The following TBC1D9B variants were observed in gnomAD, a reference collection of about 807,000 sequenced individuals.
TBC1D9B encodes TBC1 domain family, member 9B (with GRAM domain).
TBC1D9B carries 87 observed loss-of-function variants against 121.1 expected under a neutral mutation model. That is an observed-to-expected ratio of 0.72 (90% confidence interval 0.60 to 0.86). The LOEUF is 0.86. Among genes scored for constraint, TBC1D9B ranks in the 40% least tolerant of loss-of-function variants. The pLI, the probability that TBC1D9B is intolerant of heterozygous loss-of-function variation, is 0.00. For missense variants in TBC1D9B, 1,540 were observed against 1,628.6 expected (o/e 0.95, Z 0.94); for synonymous variants, 668 against 670.1 (o/e 1.00, Z 0.05).
In TBC1D9B at chr5:179,889,022, G is replaced by C. The variant is rs539153739; in HGVS notation, c.1045-710C>G. 2.0e-4 allele frequency among the ~76,000 whole-genome samples: 30 copies of C among 152,114 alleles called. No individual in the cohort carries two copies. The South Asian group carries it at 2.1e-3, about 11-fold the overall frequency. Reference sequence around the variant, plus strand: ...GGACAGTGTGAGCTGGGCAGTGGTGGAGGTGAGTGTGCACTTTTTTTTTTT... The same window carrying C: ...GGACAGTGTGAGCTGGGCAGTGGTGCAGGTGAGTGTGCACTTTTTTTTTTT... On this transcript the variant is annotated intron_variant, in intron 6 of 20. Transcript: ENST00000355235.
At chr5:179,894,905 C>T (rs1270995384) in intron 3 of TBC1D9B, among the ~76,000 whole-genome samples, 1 of 152,230 alleles carries the variant, frequency 6.6e-6, no homozygotes, top group East Asian at 1.9e-4. Flanking sequence ...CTCTGTCACC[C>T]AAGCTGGAGT....
intron 14 of TBC1D9B, chr5:179,872,407 A>T (rs1760231566): frequency 1.8e-5 from 3 of 169,302 alleles, no homozygotes; most frequent in Non-Finnish European, 2.5e-5. Flanking sequence ...GAGGGCTGGG[A>T]ATGTGGAAAC....
In TBC1D9B at chr5:179,875,680, A is replaced by T. The variant is rs542608357; in HGVS notation, c.1900+240T>A. On this transcript the variant is annotated intron_variant, in intron 11 of 20. Transcript: ENST00000355235. This position sits in a 1 kb window ranked among gnomAD's most constrained non-coding sequence, Gnocchi z 4.5. ...AGTTGAGCATCAGGTTACATGGGGG[A>T]TATATACTCTCTAGTTTTGATGTTT... Among the ~76,000 whole-genome samples the T allele has an allele frequency of 1.7e-4, 26 of 152,224 alleles. No individual in the cohort carries two copies. The East Asian group carries it at 5.0e-3, about 29-fold the overall frequency.
At chr5:179,866,128 C>G in intron 18 of TBC1D9B, 2 of 514,740 alleles carry the variant, frequency 3.9e-6, no homozygotes, top group Non-Finnish European at 7.0e-6. Context: ...GCCGCCAAAC[C>G]CTCAATTCCT....
At chr5:179,869,614 C>G (rs188834512) in intron 17 of TBC1D9B, 155 bp downstream of exon 17, 1 of 821,058 alleles carries the variant, frequency 1.2e-6, no homozygotes, top group East Asian at 2.7e-5. Flanking sequence ...GTGAAGTGCT[C>G]AAGCTCCCGC....
At chr5:179,873,274 C>G in intron 12 of TBC1D9B, 26 bp from the exon 13 acceptor site, 1 of 1,556,992 alleles carries the variant, frequency 6.4e-7, no homozygotes, top group Non-Finnish European at 8.7e-7. Context: ...GACAACAGTC[C>G]AGACCACGCC....
chr5:179,863,724 C>T lies in TBC1D9B; in HGVS notation c.3426G>A (p.Val1142=). 2 of 1,613,644 alleles carry T rather than the reference C, an allele frequency of 1.2e-6. No homozygotes were observed. Among genetic ancestry groups the T allele is most frequent in the Non-Finnish European group, 1.7e-6 (2 of 1,180,030 alleles). The change falls in exon 21 of 21, where the codon GTG becomes GTA. Residue 1142 remains valine, a synonymous_variant. Coordinates refer to ENST00000355235, the MANE Select transcript of TBC1D9B (RefSeq NM_015043.4). This position sits in a 1 kb window ranked among gnomAD's most constrained non-coding sequence, Gnocchi z 4.5. ...KDDMSMSSYS[V]VSTGSLQCED... is the part of the protein sequence containing the mutation. Reference sequence around the variant, plus strand: ...CACATTGCAGGGAGCCCGTGCTGACCACCGAGTAGGAGGACATGGACATGT... The same window carrying T: ...CACATTGCAGGGAGCCCGTGCTGACTACCGAGTAGGAGGACATGGACATGT...
chr5:179,883,990 C>T (rs1349953471), intron 7 of TBC1D9B, among the ~76,000 whole-genome samples: 1 of 152,124 alleles, frequency 6.6e-6, no homozygotes, highest in Non-Finnish European at 1.5e-5. Flanking sequence ...CTCCTTTACC[C>T]CAAGTGTTCC....
In TBC1D9B at chr5:179,904,882, G is replaced by T; in HGVS notation, c.119-70C>A. 1 of 1,254,058 alleles carries T rather than the reference G, an allele frequency of 8.0e-7. No individual in the cohort carries two copies. The highest frequency in any genetic ancestry group is 1.1e-6 in the Non-Finnish European group (1 of 905,448). 77.7% of individuals were successfully genotyped at this position (1,254,058 alleles called of 1,614,324 possible). On this transcript the variant is annotated intron_variant, in intron 1 of 20. Coordinates refer to ENST00000355235, the MANE Select transcript of TBC1D9B (RefSeq NM_015043.4). This position sits in a 1 kb window ranked among gnomAD's most constrained non-coding sequence, Gnocchi z 4.2. ...ACTGAGGCCCCTGAAGGCTGAGTCT[G>T]GCCGGAGGCAGACAGGATGGTGACG...
rs185429766 is a variant in TBC1D9B, at chr5:179,905,411, C to T, written c.119-599G>A. ...CCATGACTCACTGATTTTTTATTACCGACAGTTTAAGGAAGTTTCTTTTAG... is the reference window on the plus strand; with the variant it reads ...CCATGACTCACTGATTTTTTATTACTGACAGTTTAAGGAAGTTTCTTTTAG... On this transcript the variant is annotated intron_variant, in intron 1 of 20. Transcript: ENST00000355235. 2.5e-4 allele frequency among the ~76,000 whole-genome samples: 38 copies of T among 152,118 alleles called. 1 individual carries two copies. Among genetic ancestry groups the T allele is most frequent in the South Asian group, 1.0e-3 (5 of 4,828 alleles).
At chr5:179,878,199 T>C (rs1203096593) in intron 10 of TBC1D9B, 110 bp downstream of exon 10, 2 of 1,152,982 alleles carry the variant, frequency 1.7e-6, no homozygotes, top group Non-Finnish European at 2.4e-6. Flanking sequence ...GCTGGGCTCC[T>C]TCCTTGGGAC....
At chr5:179,878,934 G>A (rs567082858) in intron 9 of TBC1D9B, 113 bp downstream of exon 9, 1,352 of 1,404,122 alleles carry the variant, frequency 9.6e-4, no homozygotes, top group Non-Finnish European at 1.2e-3. Context: ...TGAAAGAGCT[G>A]GGAGCTCCTG....
At chr5:179,883,590 G>A (rs1760597963) in intron 7 of TBC1D9B, among the ~76,000 whole-genome samples, 1 of 148,806 alleles carries the variant, frequency 6.7e-6, no homozygotes, top group Non-Finnish European at 1.5e-5. Context: ...TTTTTCTGTT[G>A]ACTAGTCACT....
At chr5:179,897,326 T>TTG (rs1161170137) in intron 3 of TBC1D9B, among the ~76,000 whole-genome samples, 1 of 147,826 alleles carries the variant, frequency 6.8e-6, no homozygotes, top group African/African-American at 2.5e-5. Flanking sequence ...CTTTTTTTTT[T>TTG]TTTTGAGATG....
At position 179,879,789 on chromosome 5, in the gene TBC1D9B, A is replaced by T; in HGVS notation, c.1255T>A (p.Ser419Thr). 1 of 1,607,850 alleles carries T rather than the reference A, an allele frequency of 6.2e-7. No individual in the cohort carries two copies. The highest frequency in any genetic ancestry group is 1.1e-5 in the South Asian group (1 of 90,684). ...GACCCCTCCTGAGGAGCTGGGGAAG[A>T]CTAGAAAATAAAACAGGGAAGGGGA... The part of the protein sequence containing the change: ...KASVVDPSTE[S>T]SPAPQEGSEQ... Residue 419 changes from serine to threonine, a missense_variant and splice_region_variant, in exon 8 of 21, where the codon TCT becomes ACT. Transcript: ENST00000355235.
In TBC1D9B at chr5:179,891,161, G is replaced by T. The variant is rs1293477585; in HGVS notation, c.1044+218C>A. Among the ~76,000 whole-genome samples, 8 of 152,250 alleles carry T rather than the reference G, an allele frequency of 5.3e-5. No individual in the cohort carries two copies. The highest frequency in any genetic ancestry group is 1.9e-4 in the African/African-American group (8 of 41,468). ...AGGGCAAGCAGTGTGCCCCCACCAT[G>T]TTACCTGCCTCCCCAACAGGGCAGG... On this transcript the variant is annotated intron_variant, in intron 6 of 20. Coordinates refer to ENST00000355235, the MANE Select transcript of TBC1D9B (RefSeq NM_015043.4). This position sits in a 1 kb window ranked among gnomAD's most constrained non-coding sequence, Gnocchi z 4.3.
intron 4 of TBC1D9B, among the ~76,000 whole-genome samples, chr5:179,893,829 C>G (rs370334747): frequency 2.6e-5 from 4 of 152,130 alleles, no homozygotes; most frequent in African/African-American, 9.7e-5. Flanking sequence ...GGACACAGCC[C>G]CTGCTGACGG....
chr5:179,869,595 C>G, intron 17 of TBC1D9B, 174 bp downstream of exon 17: 1 of 741,760 alleles, frequency 1.3e-6, no homozygotes, highest in Non-Finnish European at 2.4e-6. Flanking sequence ...GCCCTGCTCT[C>G]AGACCTCTGT....
chr5:179,872,618 T>C, intron 14 of TBC1D9B: 2 of 467,736 alleles, frequency 4.3e-6, no homozygotes, highest in Non-Finnish European at 7.7e-6. Flanking sequence ...CTGGGCGGGC[T>C]CGGCCCAGAG....
Sources: allele counts gnomAD v4.1 joint callset (sites outside exome capture counted in the v4.1 genomes callset), GRCh38; gene constraint gnomAD v4.1.1; non-coding constraint Gnocchi (gnomAD v3.1); transcripts MANE v1.5; gene names NCBI Gene and HGNC (gene_info 2026-07-23, HGNC 2026-07-21).